PAN3: variants seen among roughly 807,000 people sequenced by gnomAD.
PAN3 encodes poly(A) specific ribonuclease subunit PAN3.
PAN3 carries 19 observed loss-of-function variants against 96.2 expected under a neutral mutation model. The ratio of observed to expected loss-of-function variants is 0.20; its 90% CI spans 0.14 to 0.29. The LOEUF (loss-of-function observed/expected upper bound fraction) is 0.29. Ranked by LOEUF, PAN3 falls within the 10% of genes least tolerant of loss-of-function variation. PAN3 has a pLI of 1.00. For missense variants in PAN3, 882 were observed against 1,108.1 expected, an observed-to-expected ratio of 0.80 and a Z score of 2.90; for synonymous variants, 433 against 406.6, an observed-to-expected ratio of 1.06 and a Z score of -0.78.
At chr13:28,184,710 T>C (rs1371974754) in intron 4 of PAN3, among the ~76,000 whole-genome samples, 1 of 152,170 alleles carries the variant, frequency 6.6e-6, no homozygotes, top group Non-Finnish European at 1.5e-5. Flanking sequence ...ATCTTTAATA[T>C]TTTTGTAATT....
intron 5 of PAN3, among the ~76,000 whole-genome samples, chr13:28,212,690 G>A (rs1034006106): frequency 6.6e-6 from 1 of 152,164 alleles, no homozygotes; most frequent in Non-Finnish European, 1.5e-5. Flanking sequence ...GAAAGCTATA[G>A]TGTCTGAAAT....
intron 17 of PAN3, among the ~76,000 whole-genome samples, chr13:28,287,603 A>G (rs1036943534): frequency 2.6e-5 from 4 of 152,128 alleles, no homozygotes; most frequent in South Asian, 2.1e-4. Context: ...ACATTTTTCT[A>G]TTTTATGCTT....
At chr13:28,271,198 C>G (rs535456726) in intron 13 of PAN3, among the ~76,000 whole-genome samples, 4 of 152,286 alleles carry the variant, frequency 2.6e-5, no homozygotes, top group African/African-American at 9.6e-5. Flanking sequence ...GGAGGACTTA[C>G]AAAACACAGC....
At chr13:28,269,426 C>T (rs1227993849) in intron 12 of PAN3, among the ~76,000 whole-genome samples, 4 of 151,206 alleles carry the variant, frequency 2.6e-5, no homozygotes, top group African/African-American at 9.7e-5. Flanking sequence ...AAAAGCCTAC[C>T]ATTTTCTTAC....
At chr13:28,148,397 C>T (rs1428878803) in intron 1 of PAN3, among the ~76,000 whole-genome samples, 1 of 152,096 alleles carries the variant, frequency 6.6e-6, no homozygotes. Context: ...AATCTCTCTC[C>T]TCAGTCCACT....
In PAN3 at chr13:28,138,749, CG is replaced by C; in HGVS notation, c.97del (p.Val33SerfsTer10). On this transcript the variant is annotated frameshift_variant, in exon 1 of 19. Transcript: ENST00000380958. LOFTEE classifies it high-confidence loss of function. ...LAAAVAVVAPPGVGGVPGGAA... is the reference protein window; with the variant it reads ...LAAAVAVVAPXGVGGVPGGAA... ...GCGGCGGTGGCGGTGGTGGCCCCGC[CG>C]GGGGTCGGGGGTGTCCCCGGCGGGG... 4.5e-6 allele frequency: 6 copies of C among 1,321,302 alleles called. No individual in the cohort carries two copies. Among genetic ancestry groups the C allele is most frequent in the South Asian group, 4.1e-5 (2 of 48,626 alleles). 81.8% of individuals were successfully genotyped at this position (1,321,302 alleles called of 1,614,324 possible).
intron 1 of PAN3, among the ~76,000 whole-genome samples, chr13:28,152,143 A>C (rs977551221): frequency 1.3e-5 from 2 of 152,192 alleles, no homozygotes; most frequent in South Asian, 4.1e-4. Flanking sequence ...ATTTGCATAC[A>C]CTATCCCATC....
chr13:28,158,128 G>A lies in PAN3; in HGVS notation c.431-16144G>A, dbSNP rs560655956. Among the ~76,000 whole-genome samples, 29 of 152,304 alleles carry A rather than the reference G, an allele frequency of 1.9e-4. No individual in the cohort carries two copies. The South Asian group carries it at 3.3e-3, about 17-fold the overall frequency. ...GTTCCTGTTCAGTAAATGGTGCTGAGATAACTGGCTAGCCATATTCAAAAG... is the reference window on the plus strand; with the variant it reads ...GTTCCTGTTCAGTAAATGGTGCTGAAATAACTGGCTAGCCATATTCAAAAG... On this transcript the variant is annotated intron_variant, in intron 1 of 18. Coordinates refer to ENST00000380958, the MANE Select transcript of PAN3 (RefSeq NM_175854.8).
intron 6 of PAN3, among the ~76,000 whole-genome samples, chr13:28,228,823 T>G (rs1341507658): frequency 6.6e-6 from 1 of 152,210 alleles, no homozygotes; most frequent in African/African-American, 2.4e-5. Flanking sequence ...CATAATCTTA[T>G]TGCTCACTGT....
chr13:28,181,038 A>T lies in PAN3; in HGVS notation c.690+3103A>T, dbSNP rs183424764. Reference sequence around the variant, plus strand: ...ATGTTTTGAATTGGGTTTTTTGTGGATGAGGAATGTATAGAGGCAAAGATA... The same window carrying T: ...ATGTTTTGAATTGGGTTTTTTGTGGTTGAGGAATGTATAGAGGCAAAGATA... On this transcript the variant is annotated intron_variant, in intron 4 of 18. Transcript: ENST00000380958. Among the ~76,000 whole-genome samples, 30 of 152,272 alleles carry T rather than the reference A, an allele frequency of 2.0e-4. No individual in the cohort carries two copies. The East Asian group carries it at 4.6e-3, about 24-fold the overall frequency.
intron 6 of PAN3, among the ~76,000 whole-genome samples, chr13:28,240,730 C>G (rs1013578261): frequency 6.6e-6 from 1 of 152,092 alleles, no homozygotes; most frequent in African/African-American, 2.4e-5. Flanking sequence ...CATTTTTTGC[C>G]AGATTTGATT....
intron 5 of PAN3, among the ~76,000 whole-genome samples, chr13:28,206,399 C>G (rs1353743826): frequency 2.1e-5 from 3 of 141,180 alleles, no homozygotes; most frequent in South Asian, 2.3e-4. Flanking sequence ...TCTCGGCTTA[C>G]TATAGTGTCT....
chr13:28,199,978 G>T (rs972318884), intron 5 of PAN3, among the ~76,000 whole-genome samples: 1 of 152,068 alleles, frequency 6.6e-6, no homozygotes. Flanking sequence ...CTCTTTACGC[G>T]TATTGTCTTT....
intron 4 of PAN3, 29 bp from the exon 5 acceptor site, chr13:28,197,156 G>C: frequency 6.2e-7 from 1 of 1,605,132 alleles, no homozygotes; most frequent in Non-Finnish European, 8.5e-7. Context: ...TGTTAGGAGT[G>C]GCCTGGTTTC....
intron 4 of PAN3, among the ~76,000 whole-genome samples, chr13:28,179,898 TGA>T (rs974686693): frequency 9.2e-5 from 14 of 152,212 alleles, no homozygotes; most frequent in African/African-American, 3.4e-4. Context: ...TATTAGAAAT[TGA>T]GAATATATAG....
chr13:28,290,169 C>G (rs1313263261), intron 18 of PAN3, among the ~76,000 whole-genome samples: 2 of 152,294 alleles, frequency 1.3e-5, no homozygotes, highest in East Asian at 3.9e-4. Context: ...TACCGTCTGA[C>G]CCTTTATAGA....
In PAN3 at chr13:28,138,556, C is replaced by CTTT. The variant is rs1434372541; in HGVS notation, c.-100_-98dup. The CTTT allele has an allele frequency of 2.8e-6, 1 of 360,568 alleles. No homozygotes were observed. The allele number at this position is 360,568 out of a possible 1,614,324, so 22.3% of individuals were successfully genotyped here. ...AGCGGGACAGACCCACCCGCCCAGG[C>CTTT]TTTTATCCGGCACCGGCAGCGTCTT... On this transcript the variant is annotated 5_prime_UTR_variant, in exon 1 of 19. Coordinates refer to ENST00000380958, the MANE Select transcript of PAN3 (RefSeq NM_175854.8).
chr13:28,270,802 C>T lies in PAN3; in HGVS notation c.1894C>T (p.His632Tyr). 6.2e-7 allele frequency: 1 copy of T among 1,613,954 alleles called. No homozygotes were observed. The highest frequency in any genetic ancestry group is 1.7e-4 in the Middle Eastern group (1 of 6,060). ...VQLSSALRTI[H>Y]TAGLACRVMD... ...ACTAAGTTCTGCATTGCGTACCATT[C>T]ATACAGCAGGTTTGGCATGTCGAGT... is the stretch of plus-strand genomic sequence containing the variant. The change falls in exon 13 of 19, where the codon CAT becomes TAT. Residue 632 changes from histidine (H) to tyrosine (Y), a missense_variant. By Grantham distance (83) the His-to-Tyr change is moderately conservative. Around this residue, in one of 3 missense-constraint regions of PAN3, gnomAD observed 364 missense variants for 513.6 expected, o/e 0.71. Coordinates refer to ENST00000380958, the MANE Select transcript of PAN3 (RefSeq NM_175854.8).
chr13:28,206,986 A>G (rs1339605575), intron 5 of PAN3, among the ~76,000 whole-genome samples: 1 of 152,064 alleles, frequency 6.6e-6, no homozygotes, highest in Non-Finnish European at 1.5e-5. Flanking sequence ...ATGACATAGG[A>G]CTTAAAACTC....
Sources: gnomAD v4.1 joint callset for allele counts (sites outside exome capture counted in the v4.1 genomes callset) on GRCh38, gnomAD v4.1.1 for gene constraint, gnomAD v4.1.1 regional missense constraint, MANE v1.5 for transcripts, NCBI Gene and HGNC (gene_info 2026-07-23, HGNC 2026-07-21) for gene names.